The following FHIT variants were observed in gnomAD, a reference collection of about 807,000 sequenced individuals.
The protein encoded by FHIT is fragile histidine triad diadenosine triphosphatase.
A neutral mutation model predicts 17.9 loss-of-function variants in FHIT; 19 were observed. That is an observed-to-expected ratio of 1.06 (90% confidence interval 0.74 to 1.56). FHIT has a LOEUF of 1.56. FHIT is among the 40% of genes most tolerant of loss of function. The probability of loss-of-function intolerance (pLI) is 0.00; values close to 1 mark genes in which losing one functional copy is unlikely to be tolerated. For missense variants in FHIT, 248 were observed against 189.2 expected (o/e 1.31, Z -1.82); for synonymous variants, 81 against 69.7 (o/e 1.16, Z -0.81).
chr3:60,576,247 C>A (rs577274234), intron 4 of FHIT, among the ~76,000 whole-genome samples: 2 of 150,376 alleles, frequency 1.3e-5, no homozygotes, highest in South Asian at 2.1e-4. Flanking sequence ...TTAAAAAATA[C>A]AAGAAATGGA....
Position 60,635,440 on chromosome 3 carries a change from T to C in FHIT, c.-17-98461A>G, listed in dbSNP as rs376175810. ...GCCAGTTGACCACTCCCCTCCTTCA[T>C]AAGCCGTTTTCTTGCACATAAACCC... On this transcript the variant is annotated intron_variant, in intron 4 of 9. Coordinates refer to ENST00000492590, the MANE Select transcript of FHIT (RefSeq NM_002012.4). Among the ~76,000 whole-genome samples the C allele has an allele frequency of 3.2e-4, 48 of 152,328 alleles. 1 individual carries two copies. In the South Asian group the frequency reaches 9.7e-3, roughly 31 times the overall value.
intron 4 of FHIT, among the ~76,000 whole-genome samples, chr3:60,655,453 G>T (rs1330788867): frequency 6.6e-6 from 1 of 152,158 alleles, no homozygotes; most frequent in Admixed American, 6.6e-5. Context: ...GAGGAATAGC[G>T]AATAAAGTAT....
intron 5 of FHIT, among the ~76,000 whole-genome samples, chr3:60,289,860 C>G (rs538336103): frequency 2.6e-5 from 4 of 152,242 alleles, no homozygotes; most frequent in African/African-American, 9.6e-5. Flanking sequence ...TATAGTTTAG[C>G]AAAGTGGCTT....
chr3:60,771,836 A>G (rs1553723124), intron 4 of FHIT, among the ~76,000 whole-genome samples: 1 of 152,102 alleles, frequency 6.6e-6, no homozygotes, highest in Non-Finnish European at 1.5e-5. Flanking sequence ...AAAATTGTTC[A>G]TTTTCACCAG....
At chr3:61,000,778 G>A (rs192152670) in intron 3 of FHIT, among the ~76,000 whole-genome samples, 144 of 152,230 alleles carry the variant, frequency 9.5e-4, no homozygotes, top group Non-Finnish European at 1.5e-3. Context: ...GCAACAGGGA[G>A]AGCCTGCTCC....
chr3:60,288,144 G>A (rs932580627), intron 5 of FHIT, among the ~76,000 whole-genome samples: 1 of 152,100 alleles, frequency 6.6e-6, no homozygotes. Context: ...GCTGGCTGTT[G>A]GAAAGAAACT....
intron 3 of FHIT, among the ~76,000 whole-genome samples, chr3:60,967,582 A>C (rs1308966360): frequency 2.0e-5 from 3 of 152,214 alleles, no homozygotes; most frequent in Non-Finnish European, 4.4e-5. Flanking sequence ...TTTGGAGTGC[A>C]AGTATAGGGG....
intron 5 of FHIT, among the ~76,000 whole-genome samples, chr3:60,213,244 CT>C (rs1404869988): frequency 1.3e-5 from 2 of 152,180 alleles, no homozygotes; most frequent in Non-Finnish European, 2.9e-5. Context: ...CTCCCCCCAT[CT>C]GCTTCTTTCC....
intron 4 of FHIT, among the ~76,000 whole-genome samples, chr3:60,547,806 T>C (rs1037562759): frequency 6.6e-6 from 1 of 152,110 alleles, no homozygotes; most frequent in Non-Finnish European, 1.5e-5. Context: ...AGTCATTTTT[T>C]TGACAGGGCT....
Position 60,471,622 on chromosome 3 carries a change from T to C in FHIT, c.103+65238A>G, listed in dbSNP as rs115249896. ...TGACATCAACCATTCAAGACTGTCT[T>C]TTCTACCCTCTTCAGTGCCTCTTTC... On this transcript the variant is annotated intron_variant, in intron 5 of 9. Transcript: ENST00000492590. Among the ~76,000 whole-genome samples the C allele has an allele frequency of 1.6e-3, 245 of 152,314 alleles. 4 individuals carry two copies. The highest frequency in any genetic ancestry group is 3.5e-3 in the African/African-American group (146 of 41,570).
intron 4 of FHIT, among the ~76,000 whole-genome samples, chr3:60,550,294 G>A (rs1016120611): frequency 1.3e-5 from 2 of 151,550 alleles, no homozygotes; most frequent in African/African-American, 4.9e-5. Context: ...ACAGGCGTAT[G>A]TCAAAATTCC....
chr3:60,322,174 T>C (rs1475539808), intron 5 of FHIT, among the ~76,000 whole-genome samples: 2 of 152,232 alleles, frequency 1.3e-5, no homozygotes, highest in African/African-American at 4.8e-5. Context: ...GCAATTATGA[T>C]GCCTGCTCAA....
rs564484985 is a variant in FHIT, at chr3:59,955,127, C to T, written c.280-32713G>A. 3.9e-5 allele frequency among the ~76,000 whole-genome samples: 6 copies of T among 152,274 alleles called. No homozygotes were observed. In the South Asian group the frequency reaches 1.0e-3, roughly 26 times the overall value. The stretch of plus-strand genomic sequence containing the variant: ...AAAAACAACAGTAGCTATCGTACAG[C>T]GTAGTTGTAAAGATTCAGTGAGATC... On this transcript the variant is annotated intron_variant, in intron 7 of 9. Transcript: ENST00000492590.
At position 60,755,427 on chromosome 3, in the gene FHIT, A is replaced by T. The variant is rs187647815; in HGVS notation, c.-18+66492T>A. On this transcript the variant is annotated intron_variant, in intron 4 of 9. Coordinates refer to ENST00000492590, the MANE Select transcript of FHIT (RefSeq NM_002012.4). ...AGTCGAAAATCTGCATTCTATGGAT[A>T]ATATCTCAACTTCAAATGTTGGCTC... Among the ~76,000 whole-genome samples the T allele has an allele frequency of 1.3e-4, 20 of 152,300 alleles. No homozygotes were observed. In the East Asian group the frequency reaches 3.9e-3, roughly 29 times the overall value.
At chr3:60,708,262 C>T (rs2041424301) in intron 4 of FHIT, among the ~76,000 whole-genome samples, 1 of 152,120 alleles carries the variant, frequency 6.6e-6, no homozygotes, top group Non-Finnish European at 1.5e-5. Flanking sequence ...TTTACACAGC[C>T]TTACTAATGG....
chr3:60,468,868 G>T (rs1336562219), intron 5 of FHIT, among the ~76,000 whole-genome samples: 2 of 152,004 alleles, frequency 1.3e-5, no homozygotes, highest in East Asian at 3.9e-4. Flanking sequence ...GATAGTTCTG[G>T]TGTTTTGTTT....
At chr3:59,949,189 C>T (rs1706989394) in intron 7 of FHIT, among the ~76,000 whole-genome samples, 1 of 152,226 alleles carries the variant, frequency 6.6e-6, no homozygotes, top group Non-Finnish European at 1.5e-5. Context: ...AGTCCTTCAT[C>T]AGTAACTTTT....
intron 5 of FHIT, among the ~76,000 whole-genome samples, chr3:60,129,069 T>TTTTTTTTTTTTTTTTA (rs1699403707): frequency 6.8e-6 from 1 of 147,916 alleles, no homozygotes; most frequent in African/African-American, 2.6e-5. Context: ...TTTTTTTTTT[T>TTTTTTTTTTTTTTTTA]TGAAACAGAG....
intron 3 of FHIT, among the ~76,000 whole-genome samples, chr3:60,896,670 C>CA (rs1705838723): frequency 6.6e-6 from 1 of 152,178 alleles, no homozygotes; most frequent in Non-Finnish European, 1.5e-5. Context: ...AGGTACCTTC[C>CA]AACCAAATTG....
Sources: allele counts gnomAD v4.1 joint callset (sites outside exome capture counted in the v4.1 genomes callset), GRCh38; gene constraint gnomAD v4.1.1; transcripts MANE v1.5; gene names NCBI Gene and HGNC (gene_info 2026-07-23, HGNC 2026-07-21).